Variants in ST8SIA6 observed in about 807,000 individuals in gnomAD.
ST8SIA6 encodes the protein ST8 alpha-N-acetyl-neuraminide alpha-2,8-sialyltransferase 6.
ST8SIA6 carries 39 observed loss-of-function variants against 33.6 expected under a neutral mutation model. The observed-to-expected ratio is 1.16, with a 90% CI of 0.90 to 1.52. The LOEUF is 1.52. ST8SIA6 is among the 40% of genes most tolerant of loss of function. ST8SIA6 has a pLI of 0.00. For synonymous variants in ST8SIA6, 172 were observed against 167.2 expected, an observed-to-expected ratio of 1.03 and a Z score of -0.22; for missense variants, 441 against 443.8, an observed-to-expected ratio of 0.99 and a Z score of 0.06.
intron 4 of ST8SIA6, among the ~76,000 whole-genome samples, chr10:17,337,774 T>G (rs542006655): frequency 6.6e-6 from 1 of 152,316 alleles, no homozygotes; most frequent in South Asian, 2.1e-4. Context: ...TTCACAATAA[T>G]GGGTATGGCC....
At chr10:17,452,779 T>C (rs1194120503) in intron 2 of ST8SIA6, among the ~76,000 whole-genome samples, 1 of 152,008 alleles carries the variant, frequency 6.6e-6, no homozygotes, top group Admixed American at 6.6e-5. Flanking sequence ...CAAAGCAATG[T>C]TTTTGTGGGG....
chr10:17,390,348 T>C (rs1850542749), intron 3 of ST8SIA6, among the ~76,000 whole-genome samples, 183 bp downstream of exon 3: 1 of 152,190 alleles, frequency 6.6e-6, no homozygotes, highest in South Asian at 2.1e-4. Context: ...TGCCAGGGTC[T>C]GACCCTGGTA....
At chr10:17,382,890 C>T (rs551052255) in intron 3 of ST8SIA6, among the ~76,000 whole-genome samples, 23 of 152,298 alleles carry the variant, frequency 1.5e-4, no homozygotes, top group African/African-American at 5.3e-4. Context: ...TGATGCAAAA[C>T]TAGTATACGG....
intron 4 of ST8SIA6, among the ~76,000 whole-genome samples, chr10:17,354,881 CGCTTTCATG>C (rs1000966046): frequency 3.9e-5 from 6 of 152,114 alleles, no homozygotes; most frequent in Admixed American, 3.9e-4. Context: ...TTTAGGAAAC[CGCTTTCATG>C]GACTTCAGAT....
At chr10:17,384,194 C>T (rs1305200832) in intron 3 of ST8SIA6, among the ~76,000 whole-genome samples, 1 of 152,146 alleles carries the variant, frequency 6.6e-6, no homozygotes, top group Non-Finnish European at 1.5e-5. Flanking sequence ...GGGTTTCTGA[C>T]CTGTGGTAAA....
chr10:17,349,225 G>A (rs575040841), intron 4 of ST8SIA6, among the ~76,000 whole-genome samples: 2 of 152,172 alleles, frequency 1.3e-5, no homozygotes, highest in Admixed American at 6.5e-5. Flanking sequence ...CCAAGAACGT[G>A]GTATAATCCA....
chr10:17,431,070 A>G (rs1420047103), intron 2 of ST8SIA6, among the ~76,000 whole-genome samples: 1 of 152,214 alleles, frequency 6.6e-6, no homozygotes, highest in Non-Finnish European at 1.5e-5. Flanking sequence ...TTAGGCAGAA[A>G]TCTTTGAGTA....
At chr10:17,441,304 C>CTTTA (rs34815790) in intron 2 of ST8SIA6, among the ~76,000 whole-genome samples, 54,295 of 148,086 alleles carry the variant, frequency 0.37, 11,517 homozygotes, top group East Asian at 0.88. Flanking sequence ...TCTAAATTAT[C>CTTTA]TTTATTTATT....
chr10:17,424,058 T>C (rs997025171), intron 2 of ST8SIA6, among the ~76,000 whole-genome samples: 6 of 152,160 alleles, frequency 3.9e-5, no homozygotes, highest in African/African-American at 1.4e-4. Context: ...CCCCACCTGA[T>C]GCCTTAACTG....
At chr10:17,380,670 A>G (rs974052716) in intron 3 of ST8SIA6, among the ~76,000 whole-genome samples, 3 of 152,224 alleles carry the variant, frequency 2.0e-5, no homozygotes, top group Non-Finnish European at 4.4e-5. Context: ...AATAAGATTT[A>G]AAAAACAAAT....
chr10:17,359,833 A>C (rs1410526011), intron 3 of ST8SIA6, among the ~76,000 whole-genome samples: 1 of 152,164 alleles, frequency 6.6e-6, no homozygotes, highest in African/African-American at 2.4e-5. Context: ...CAAGTGTAGT[A>C]TTAAAAACCG....
At chr10:17,325,577 C>T (rs1164627303) in intron 6 of ST8SIA6, among the ~76,000 whole-genome samples, 3 of 151,634 alleles carry the variant, frequency 2.0e-5, no homozygotes, top group Non-Finnish European at 2.9e-5. Flanking sequence ...TTTTGTTCCT[C>T]ACACACTTTA....
intron 2 of ST8SIA6, among the ~76,000 whole-genome samples, chr10:17,436,936 G>A (rs77310712): frequency 0.023 from 3,499 of 152,128 alleles, 144 homozygotes; most frequent in African/African-American, 0.08. Context: ...AGCCACGTGC[G>A]ACTGTGAATA....
intron 4 of ST8SIA6, among the ~76,000 whole-genome samples, chr10:17,357,655 C>G (rs1477873925): frequency 6.6e-6 from 1 of 152,184 alleles, no homozygotes; most frequent in Non-Finnish European, 1.5e-5. Flanking sequence ...ATTCTCCCTG[C>G]CTTCGTGGCA....
intron 6 of ST8SIA6, among the ~76,000 whole-genome samples, chr10:17,323,647 A>C (rs913473669): frequency 3.9e-5 from 6 of 152,070 alleles, no homozygotes; most frequent in African/African-American, 1.4e-4. Context: ...GGCCTCCCAA[A>C]GTGCTGGGAT....
At chr10:17,391,363 G>A (rs61842123) in intron 2 of ST8SIA6, among the ~76,000 whole-genome samples, 14,399 of 151,908 alleles carry the variant, frequency 0.095, 800 homozygotes, top group South Asian at 0.15. Flanking sequence ...CCGGGTTCAC[G>A]CCATTCTCCT....
At chr10:17,361,774 G>A (rs542384842) in intron 3 of ST8SIA6, among the ~76,000 whole-genome samples, 10 of 149,460 alleles carry the variant, frequency 6.7e-5, no homozygotes, top group South Asian at 2.1e-4. Context: ...AAAAATCCTC[G>A]ACAAAATATT....
chr10:17,406,587 AG>A (rs1851268947), intron 2 of ST8SIA6, among the ~76,000 whole-genome samples: 1 of 152,068 alleles, frequency 6.6e-6, no homozygotes, highest in Admixed American at 6.6e-5. Context: ...CAAACGTATG[AG>A]GGTTGAGGAA....
intron 2 of ST8SIA6, among the ~76,000 whole-genome samples, chr10:17,420,014 G>A (rs532818030): frequency 2.4e-4 from 37 of 152,232 alleles, no homozygotes; most frequent in Non-Finnish European, 3.4e-4. Flanking sequence ...ATAGACACAC[G>A]TTTTCCAAAT....
Sources: gnomAD v4.1 joint callset for allele counts (sites outside exome capture counted in the v4.1 genomes callset) on GRCh38, gnomAD v4.1.1 for gene constraint, MANE v1.5 for transcripts, NCBI Gene and HGNC (gene_info 2026-07-23, HGNC 2026-07-21) for gene names.